The following SAMD5 variants were observed in gnomAD, a reference collection of about 807,000 sequenced individuals.
The protein encoded by SAMD5 is sterile alpha motif domain containing 5.
In SAMD5, 13 loss-of-function variants were observed where a neutral mutation model predicts 11.3. That is an observed-to-expected ratio of 1.15 (90% CI 0.75 to 1.83). SAMD5 has a LOEUF of 1.83. Ranked by LOEUF, SAMD5 falls within the 40% of genes most tolerant of loss-of-function variation. The pLI is 0.00. For missense variants in SAMD5, 255 were observed against 239.1 expected (o/e 1.07, Z -0.44); for synonymous variants, 129 against 111.3 (o/e 1.16, Z -1.00).
the SAMD5 span, among the ~76,000 whole-genome samples, chr6:147,817,366 A>G: frequency 6.6e-6 from 1 of 152,264 alleles, no homozygotes; most frequent in Admixed American, 6.5e-5. Context: ...ACTTCCTGAT[A>G]GTGAAGGAAA....
chr6:147,881,608 C>T, the SAMD5 span, among the ~76,000 whole-genome samples: 21 of 152,152 alleles, frequency 1.4e-4, no homozygotes, highest in Non-Finnish European at 2.9e-4. Flanking sequence ...GACCGAAGCC[C>T]CCTGAGCTTT....
intron 1 of SAMD5, among the ~76,000 whole-genome samples, chr6:147,535,765 C>A (rs1262394744): frequency 6.6e-6 from 1 of 152,096 alleles, no homozygotes; most frequent in Non-Finnish European, 1.5e-5. Flanking sequence ...ACGAGTTGGG[C>A]AAATTCCTTT....
At chr6:147,533,718 G>C (rs1788465784) in intron 1 of SAMD5, among the ~76,000 whole-genome samples, 1 of 152,082 alleles carries the variant, frequency 6.6e-6, no homozygotes, top group Non-Finnish European at 1.5e-5. Flanking sequence ...TTGTGGGGCA[G>C]ACTGGCAGCT....
the SAMD5 span, among the ~76,000 whole-genome samples, chr6:147,865,663 T>A: frequency 6.6e-6 from 1 of 152,194 alleles, no homozygotes; most frequent in Non-Finnish European, 1.5e-5. Context: ...TAAGGGTTTT[T>A]CTTGGGGAGC....
intron 1 of SAMD5, among the ~76,000 whole-genome samples, chr6:147,713,014 A>C (rs1251603853): frequency 2.0e-5 from 3 of 152,212 alleles, no homozygotes; most frequent in Non-Finnish European, 4.4e-5. Context: ...ATTGACAGCA[A>C]AAATGAAACA....
chr6:147,644,065 T>A (rs1039093501), intron 1 of SAMD5, among the ~76,000 whole-genome samples: 4 of 152,176 alleles, frequency 2.6e-5, no homozygotes, highest in Non-Finnish European at 5.9e-5. Context: ...GTTGATTCAT[T>A]GCATGATGAA....
the SAMD5 span, among the ~76,000 whole-genome samples, chr6:147,883,745 T>A: frequency 2.0e-5 from 3 of 152,170 alleles, no homozygotes; most frequent in African/African-American, 7.2e-5. Context: ...TTGACATTAA[T>A]CAGTTGCTGG....
chr6:147,686,856 C>G (rs192916866), intron 1 of SAMD5, among the ~76,000 whole-genome samples: 1 of 152,116 alleles, frequency 6.6e-6, no homozygotes, highest in Admixed American at 6.5e-5. Flanking sequence ...AACAAAACAA[C>G]CTTCTTCACT....
chr6:147,555,672 A>T (rs542554568), intron 1 of SAMD5, among the ~76,000 whole-genome samples: 1 of 152,332 alleles, frequency 6.6e-6, no homozygotes, highest in South Asian at 2.1e-4. Context: ...GATACCATAA[A>T]ATCATGTATG....
At position 147,634,616 on chromosome 6, in the gene SAMD5, C is replaced by G. The variant is rs191251002; in HGVS notation, c.163-102701C>G. Among the ~76,000 whole-genome samples the G allele has an allele frequency of 1.2e-3, 178 of 152,248 alleles. 3 individuals carry two copies. In the South Asian group the frequency reaches 0.017, roughly 15 times the overall value. On this transcript the variant is annotated intron_variant, in intron 1 of 1. Transcript: ENST00000566741. ...TGGATATACCACATTTTAGTTCTTT[C>G]GTTTTCTTGAAGCATTGAAGTTTTA...
the SAMD5 span, among the ~76,000 whole-genome samples, chr6:147,889,227 T>G: frequency 6.6e-6 from 1 of 152,218 alleles, no homozygotes; most frequent in African/African-American, 2.4e-5. Flanking sequence ...TGTCTTCAAG[T>G]TCACTATTTT....
intron 1 of SAMD5, among the ~76,000 whole-genome samples, chr6:147,628,473 T>C (rs868027519): frequency 1.3e-5 from 2 of 152,180 alleles, no homozygotes; most frequent in South Asian, 2.1e-4. Flanking sequence ...AGGAGCCACA[T>C]GGATCTCCTA....
At chr6:147,725,276 A>T (rs961534008) in intron 1 of SAMD5, among the ~76,000 whole-genome samples, 1 of 152,056 alleles carries the variant, frequency 6.6e-6, no homozygotes, top group African/African-American at 2.4e-5. Flanking sequence ...GATGGTTGTT[A>T]TCCCAACACA....
At chr6:147,937,799 G>A in the SAMD5 span, among the ~76,000 whole-genome samples, 3 of 152,152 alleles carry the variant, frequency 2.0e-5, no homozygotes, top group Non-Finnish European at 2.9e-5. Context: ...ATTTGATAAT[G>A]TCATATATCT....
At chr6:147,834,764 A>ACCATG in the SAMD5 span, among the ~76,000 whole-genome samples, 1 of 152,146 alleles carries the variant, frequency 6.6e-6, no homozygotes, top group African/African-American at 2.4e-5. Context: ...GCACTATCTC[A>ACCATG]CCATGGTAGG....
chr6:147,847,341 C>T, the SAMD5 span, among the ~76,000 whole-genome samples: 1 of 152,176 alleles, frequency 6.6e-6, no homozygotes, highest in Non-Finnish European at 1.5e-5. Flanking sequence ...ACACCACGCA[C>T]GTTGTTGCTC....
chr6:147,932,937 A>G, the SAMD5 span, among the ~76,000 whole-genome samples: 1 of 152,202 alleles, frequency 6.6e-6, no homozygotes, highest in Non-Finnish European at 1.5e-5. Flanking sequence ...TTTAAACTAC[A>G]CATTAAAGGA....
the SAMD5 span, among the ~76,000 whole-genome samples, chr6:147,800,334 G>A: frequency 6.6e-6 from 1 of 152,206 alleles, no homozygotes; most frequent in Non-Finnish European, 1.5e-5. Flanking sequence ...TGCAGTGTGA[G>A]GTGTCAGTGT....
chr6:147,906,765 C>G, the SAMD5 span, among the ~76,000 whole-genome samples: 1 of 152,158 alleles, frequency 6.6e-6, no homozygotes, highest in African/African-American at 2.4e-5. Context: ...CCAGAAAAGT[C>G]TCGAGGCAGG....
Sources: gnomAD v4.1 joint callset for allele counts (sites outside exome capture counted in the v4.1 genomes callset) on GRCh38, gnomAD v4.1.1 for gene constraint, MANE v1.5 for transcripts, NCBI Gene and HGNC (gene_info 2026-07-23, HGNC 2026-07-21) for gene names.